The following LIMS1 variants were observed in gnomAD, a reference collection of about 807,000 sequenced individuals.
The protein encoded by LIMS1 is LIM and senescent cell antigen-like-containing domain protein 1.
In LIMS1, 18 loss-of-function variants were observed where a neutral mutation model predicts 44.1. The ratio of observed to expected loss-of-function variants is 0.41; its 90% CI spans 0.28 to 0.61. The LOEUF is 0.61. Among genes scored for constraint, LIMS1 ranks in the 20% least tolerant of loss-of-function variants. The pLI, the probability that LIMS1 is intolerant of heterozygous loss-of-function variation, is 0.32. For synonymous variants in LIMS1, 93 were observed against 149.1 expected, an observed-to-expected ratio of 0.62 and a Z score of 2.74; for missense variants, 201 against 422.0, an observed-to-expected ratio of 0.48 and a Z score of 4.59.
At chr2:108,684,567 A>G (rs1367947484) in exon 10 of LIMS1, 1 of 152,152 alleles carries the variant, frequency 6.6e-6, no homozygotes, top group East Asian at 1.9e-4. Flanking sequence ...TTTTTTAGTT[A>G]AATGCAATAA....
chr2:108,676,956 G>A (rs975495345), intron 7 of LIMS1: 34 of 438,454 alleles, frequency 7.8e-5, no homozygotes, highest in Middle Eastern at 6.2e-4. Context: ...ACATAGTTAC[G>A]TAAATATTAT....
intron 1 of LIMS1, among the ~76,000 whole-genome samples, chr2:108,656,512 C>T (rs1312331322): frequency 6.6e-6 from 1 of 151,984 alleles, no homozygotes; most frequent in East Asian, 1.9e-4. Context: ...AATATAAAAT[C>T]AACATTTAAA....
At chr2:108,661,262 C>T (rs2148972412) in intron 2 of LIMS1, among the ~76,000 whole-genome samples, 1 of 149,798 alleles carries the variant, frequency 6.7e-6, no homozygotes, top group Admixed American at 6.6e-5. Flanking sequence ...CTATTGTGTC[C>T]CCAAAACACA....
intron 1 of LIMS1, among the ~76,000 whole-genome samples, chr2:108,545,264 A>C (rs1056386614): frequency 1.3e-5 from 2 of 152,002 alleles, no homozygotes; most frequent in Non-Finnish European, 2.9e-5. Flanking sequence ...TCATATATAT[A>C]ATTTTGTTGC....
chr2:108,634,357 A>C (rs1573506258), intron 1 of LIMS1, among the ~76,000 whole-genome samples: 1 of 152,332 alleles, frequency 6.6e-6, no homozygotes, highest in East Asian at 1.9e-4. Context: ...GATAATGAGG[A>C]AAGAGAAGAA....
chr2:108,676,043 G>C lies in LIMS1; in HGVS notation c.681+15G>C. ...GGCATGTGGAGGTGAGTTCTAAATGGCAAAGGGTAACCAATCCTTTCAAAT... is the reference window on the plus strand; with the variant it reads ...GGCATGTGGAGGTGAGTTCTAAATGCCAAAGGGTAACCAATCCTTTCAAAT... On this transcript the variant is annotated intron_variant, in intron 6 of 9. Transcript: ENST00000544547. 1 of 1,605,632 alleles carries C rather than the reference G, an allele frequency of 6.2e-7. No individual in the cohort carries two copies. The highest frequency in any genetic ancestry group is 1.7e-5 in the Admixed American group (1 of 58,916).
At chr2:108,635,112 G>T (rs1283223886) in intron 1 of LIMS1, among the ~76,000 whole-genome samples, 1 of 152,138 alleles carries the variant, frequency 6.6e-6, no homozygotes, top group East Asian at 1.9e-4. Flanking sequence ...ATGAGTCCAT[G>T]TGTGGCCTCT....
intron 1 of LIMS1, among the ~76,000 whole-genome samples, chr2:108,647,262 C>G (rs568521407): frequency 6.6e-6 from 1 of 152,184 alleles, no homozygotes; most frequent in Admixed American, 6.5e-5. Flanking sequence ...AAGACTAAAC[C>G]AAGAAGAAGT....
chr2:108,671,331 C>G (rs1287976786), intron 3 of LIMS1, among the ~76,000 whole-genome samples: 1 of 151,898 alleles, frequency 6.6e-6, no homozygotes, highest in Non-Finnish European at 1.5e-5. Context: ...GTATCAAAAC[C>G]TAGAGATCAT....
At chr2:108,619,459 C>G (rs759317549) in intron 1 of LIMS1, among the ~76,000 whole-genome samples, 2 of 151,350 alleles carry the variant, frequency 1.3e-5, no homozygotes, top group South Asian at 4.2e-4. Flanking sequence ...CGAGGCAGTT[C>G]GATCACTTGA....
chr2:108,662,579 G>A, intron 2 of LIMS1: 1 of 1,121,296 alleles, frequency 8.9e-7, no homozygotes, highest in Non-Finnish European at 1.1e-6. Flanking sequence ...GCCCAGGGAT[G>A]TGTAAACCTG....
At chr2:108,619,575 T>G (rs1232938228) in intron 1 of LIMS1, among the ~76,000 whole-genome samples, 1 of 152,006 alleles carries the variant, frequency 6.6e-6, no homozygotes, top group African/African-American at 2.4e-5. Flanking sequence ...TCCCAGCTAC[T>G]GGGGAGGCTG....
rs145445003 is a variant in LIMS1 at position 108,555,572 on chromosome 2, C to T, written c.32+20978C>T. Among the ~76,000 whole-genome samples, 619 of 152,318 alleles carry T rather than the reference C, an allele frequency of 4.1e-3. 4 individuals are homozygous for T. The highest frequency in any genetic ancestry group is 5.7e-3 in the Non-Finnish European group (391 of 68,032). On this transcript the variant is annotated intron_variant, in intron 1 of 9. Coordinates refer to ENST00000544547, the Ensembl canonical transcript of LIMS1. ...CACTCTGAGCACAAAGTGCTGTGTG[C>T]GTGGTCCTCTTGTGAAAGGCCTACA...
intron 1 of LIMS1, among the ~76,000 whole-genome samples, chr2:108,648,084 A>T (rs920240563): frequency 1.3e-5 from 2 of 152,218 alleles, no homozygotes; most frequent in Non-Finnish European, 2.9e-5. Context: ...TCAGCCCAGA[A>T]TCTCCTTAAG....
intron 1 of LIMS1, among the ~76,000 whole-genome samples, chr2:108,599,332 A>G (rs1686878698): frequency 6.6e-6 from 1 of 152,096 alleles, no homozygotes; most frequent in East Asian, 1.9e-4. Flanking sequence ...TGACATAATG[A>G]TCTCCAGTCC....
At chr2:108,583,207 ATTT>A (rs59274385) in intron 1 of LIMS1, among the ~76,000 whole-genome samples, 3,135 of 139,720 alleles carry the variant, frequency 0.022, 44 homozygotes, top group Non-Finnish European at 0.026. Context: ...TAATGTTTGT[ATTT>A]TTTTTTTTTT....
chr2:108,656,678 C>T (rs1690884044), intron 1 of LIMS1, among the ~76,000 whole-genome samples: 4 of 145,344 alleles, frequency 2.8e-5, no homozygotes, highest in Non-Finnish European at 4.5e-5. Context: ...ATTATATTAC[C>T]TCTAAAACTA....
chr2:108,554,868 G>C (rs185928409), intron 1 of LIMS1, among the ~76,000 whole-genome samples: 30 of 152,262 alleles, frequency 2.0e-4, no homozygotes, highest in Admixed American at 5.2e-4. Context: ...TCATTATCTG[G>C]AAGCTTATTG....
At chr2:108,586,424 A>G (rs1686108261) in intron 1 of LIMS1, among the ~76,000 whole-genome samples, 1 of 152,216 alleles carries the variant, frequency 6.6e-6, no homozygotes, top group African/African-American at 2.4e-5. Flanking sequence ...GAAGGCCTGA[A>G]GAGTAAGCAT....
Sources: allele counts gnomAD v4.1 joint callset (sites outside exome capture counted in the v4.1 genomes callset), GRCh38; gene constraint gnomAD v4.1.1; transcripts MANE v1.5; gene names NCBI Gene and HGNC (gene_info 2026-07-23, HGNC 2026-07-21).